ACCSL: variants seen among roughly 807,000 people sequenced by gnomAD.
ACCSL encodes the protein 1-aminocyclopropane-1-carboxylate synthase homolog (inactive) like.
In ACCSL, 55 loss-of-function variants were observed where a neutral mutation model predicts 61.7. That is an observed-to-expected ratio of 0.89 (90% CI 0.72 to 1.12). ACCSL has a LOEUF of 1.12. Ranked by LOEUF, ACCSL falls within the 50% of genes most tolerant of loss-of-function variation. The pLI is 0.00. For missense variants in ACCSL, 632 were observed against 698.0 expected (o/e 0.91, Z 1.07); for synonymous variants, 258 against 264.3 (o/e 0.98, Z 0.23).
At chr11:43,923,668 T>C in the ACCSL span, among the ~76,000 whole-genome samples, 7 of 152,202 alleles carry the variant, frequency 4.6e-5, no homozygotes, top group Non-Finnish European at 8.8e-5. Flanking sequence ...TTCCAGCTGG[T>C]CTAAAGCTGA....
the ACCSL span, among the ~76,000 whole-genome samples, chr11:43,998,417 C>T: frequency 1.3e-3 from 197 of 152,152 alleles, 2 homozygotes; most frequent in African/African-American, 4.7e-3. Flanking sequence ...ATGAAAAAAC[C>T]AGAGCCTTTG....
At chr11:43,994,065 C>T in the ACCSL span, among the ~76,000 whole-genome samples, 1 of 152,180 alleles carries the variant, frequency 6.6e-6, no homozygotes, top group Non-Finnish European at 1.5e-5. Flanking sequence ...GATTCTGATA[C>T]CGTGGGAAAC....
chr11:44,053,616 A>C (rs1484485561), intron 8 of ACCSL, 110 bp downstream of exon 8: 2 of 990,176 alleles, frequency 2.0e-6, no homozygotes, highest in Non-Finnish European at 3.1e-6. Flanking sequence ...TAATCCCAGC[A>C]CTTTGGGAGG....
At chr11:43,998,590 A>G in the ACCSL span, among the ~76,000 whole-genome samples, 1 of 152,164 alleles carries the variant, frequency 6.6e-6, no homozygotes, top group Non-Finnish European at 1.5e-5. Flanking sequence ...CTCTGGGTTC[A>G]GTGGGTTTGG....
chr11:43,952,986 G>A, the ACCSL span, among the ~76,000 whole-genome samples: 2 of 152,204 alleles, frequency 1.3e-5, no homozygotes, highest in Non-Finnish European at 1.5e-5. Flanking sequence ...CTGTTGCTAT[G>A]CACAGTGACT....
chr11:44,047,015 C>T (rs1360832436), upstream of ACCSL, among the ~76,000 whole-genome samples: 1 of 151,728 alleles, frequency 6.6e-6, no homozygotes, highest in African/African-American at 2.4e-5. Context: ...AGACCCAGTC[C>T]CTCCAAAAAA....
the ACCSL span, chr11:43,945,235 G>A: frequency 6.6e-6 from 1 of 152,230 alleles, no homozygotes; most frequent in African/African-American, 2.4e-5. Flanking sequence ...AGGCCTCAGA[G>A]ATGTGAGGCC....
the ACCSL span, among the ~76,000 whole-genome samples, chr11:43,974,462 C>G: frequency 6.6e-6 from 1 of 152,200 alleles, no homozygotes; most frequent in East Asian, 1.9e-4. Flanking sequence ...CTGAGATGAT[C>G]TAATCTTGAG....
the ACCSL span, among the ~76,000 whole-genome samples, chr11:43,955,593 TG>T: frequency 6.6e-6 from 1 of 152,070 alleles, no homozygotes; most frequent in Admixed American, 6.5e-5. Context: ...TACTTCTGGT[TG>T]GGGCCACAGG....
intron 2 of ACCSL, 64 bp from the exon 3 acceptor site, chr11:44,050,488 G>C: frequency 7.0e-7 from 1 of 1,424,010 alleles, no homozygotes; most frequent in South Asian, 1.2e-5. Context: ...GTACAAACTA[G>C]GAGTAGAATG....
At chr11:43,955,659 G>C in the ACCSL span, among the ~76,000 whole-genome samples, 1 of 152,132 alleles carries the variant, frequency 6.6e-6, no homozygotes, top group Non-Finnish European at 1.5e-5. Context: ...TGGAGCTACT[G>C]GTCATCAGAA....
At chr11:44,055,792 G>T (rs1217223800) in intron 9 of ACCSL, among the ~76,000 whole-genome samples, 2 of 152,256 alleles carry the variant, frequency 1.3e-5, no homozygotes. Flanking sequence ...CAAGCTGTAG[G>T]AGAGCCACAT....
the ACCSL span, among the ~76,000 whole-genome samples, chr11:43,938,111 T>A: frequency 5.3e-5 from 8 of 152,202 alleles, no homozygotes; most frequent in African/African-American, 1.9e-4. Flanking sequence ...AGTTGGGTCA[T>A]GCCACAGCTG....
the ACCSL span, among the ~76,000 whole-genome samples, chr11:43,962,427 C>T: frequency 7.9e-5 from 12 of 152,256 alleles, no homozygotes; most frequent in South Asian, 1.5e-3. Context: ...AGATGACGTT[C>T]GCAAGGACTG....
chr11:44,033,584 T>C, the ACCSL span, among the ~76,000 whole-genome samples: 5 of 151,890 alleles, frequency 3.3e-5, no homozygotes, highest in African/African-American at 1.2e-4. Context: ...AGCACCAGAG[T>C]TCTTAAAGGG....
At chr11:43,962,847 G>A in the ACCSL span, among the ~76,000 whole-genome samples, 1,722 of 152,274 alleles carry the variant, frequency 0.011, 33 homozygotes, top group African/African-American at 0.039. Context: ...ACTGCTTAGC[G>A]TCACCAGATA....
chr11:43,984,435 A>G, the ACCSL span, among the ~76,000 whole-genome samples: 1 of 152,080 alleles, frequency 6.6e-6, no homozygotes, highest in Admixed American at 6.6e-5. Flanking sequence ...GGGAGAGGAG[A>G]CCCAGATGAA....
the ACCSL span, among the ~76,000 whole-genome samples, chr11:43,956,097 A>G: frequency 0.026 from 3,913 of 152,020 alleles, 188 homozygotes; most frequent in African/African-American, 0.09. Flanking sequence ...TATAGAAAAA[A>G]AAAAAAAAAA....
At chr11:44,012,163 G>A in the ACCSL span, among the ~76,000 whole-genome samples, 1 of 152,250 alleles carries the variant, frequency 6.6e-6, no homozygotes, top group East Asian at 1.9e-4. Context: ...GCTAGTGTTT[G>A]GCTCTCAATA....
Sources: allele counts gnomAD v4.1 joint callset (sites outside exome capture counted in the v4.1 genomes callset), GRCh38; gene constraint gnomAD v4.1.1; transcripts MANE v1.5; gene names NCBI Gene and HGNC (gene_info 2026-07-23, HGNC 2026-07-21).